CSMD2: variants seen among roughly 807,000 people sequenced by gnomAD.
CSMD2 encodes the protein CUB and sushi domain-containing protein 2.
CSMD2 carries 130 observed loss-of-function variants against 398.5 expected under a neutral mutation model. The ratio of observed to expected loss-of-function variants is 0.33; its 90% CI spans 0.28 to 0.38. The LOEUF (loss-of-function observed/expected upper bound fraction) is 0.38. Ranked by LOEUF, CSMD2 falls within the 10% of genes least tolerant of loss-of-function variation. The probability of loss-of-function intolerance (pLI) is 1.00; values close to 1 mark genes in which losing one functional copy is unlikely to be tolerated. For missense variants in CSMD2, 3,829 were observed against 4,764.9 expected, an observed-to-expected ratio of 0.80 and a Z score of 5.78; for synonymous variants, 1,828 against 1,908.5, an observed-to-expected ratio of 0.96 and a Z score of 1.10.
At position 33,788,664 on chromosome 1, in the gene CSMD2, T is replaced by G. The variant is rs753583201; in HGVS notation, c.1599A>C (p.Gln533His). 2.5e-6 allele frequency: 4 copies of G among 1,613,858 alleles called. No homozygotes were observed. The African/African-American group carries it at 5.3e-5, about 22-fold the overall frequency. Residue 533 changes from glutamine (Q) to histidine (H), a missense_variant, in exon 12 of 71, where the codon CAA becomes CAC. By Grantham distance (24) the Gln-to-His change is conservative. Transcript: ENST00000373381. Reference sequence around the variant, plus strand: ...CATCAGTCTGGAAGAGGAGCCACATTTGATGATTGGTGCTGACAATGAGAT... The same window carrying G: ...CATCAGTCTGGAAGAGGAGCCACATGTGATGATTGGTGCTGACAATGAGAT... ...VPDLIVSTNH[Q>H]MWLLFQTDGS...
intron 1 of CSMD2, among the ~76,000 whole-genome samples, chr1:34,096,138 A>C (rs1659271263): frequency 6.6e-6 from 1 of 152,078 alleles, no homozygotes; most frequent in Admixed American, 6.6e-5. Flanking sequence ...TCCAGCATAT[A>C]AACAGAGCCA....
chr1:33,550,144 C>T, intron 56 of CSMD2, 33 bp downstream of exon 56: 1 of 1,599,312 alleles, frequency 6.3e-7, no homozygotes, highest in Non-Finnish European at 8.5e-7. Flanking sequence ...AAGCATTCCA[C>T]TGGAGCTCTT....
intron 25 of CSMD2, among the ~76,000 whole-genome samples, chr1:33,670,625 T>A (rs1463800169): frequency 6.6e-6 from 1 of 152,150 alleles, no homozygotes; most frequent in Non-Finnish European, 1.5e-5. Flanking sequence ...CACTGCTGAA[T>A]CTAAATCTGG....
chr1:33,602,639 T>G, intron 42 of CSMD2, 93 bp from the exon 43 acceptor site: 1 of 1,129,018 alleles, frequency 8.9e-7, no homozygotes. Context: ...CTCCCAGAAC[T>G]AATCATCCTG....
At position 33,616,963 on chromosome 1, in the gene CSMD2, T is replaced by C. The variant is rs749490065; in HGVS notation, c.5959A>G (p.Ile1987Val). 3 of 1,614,086 alleles carry C rather than the reference T, an allele frequency of 1.9e-6. No individual in the cohort carries two copies. Among genetic ancestry groups the C allele is most frequent in the South Asian group, 1.1e-5 (1 of 91,070 alleles). ...PGYALQGHAHISCMPGTVRRW... is the reference protein window; with the variant it reads ...PGYALQGHAHVSCMPGTVRRW... ...CGCACTGTTCCGGGCATGCAGGAGA[T>C]GTGGGCGTGGCCCTGGAGGAATCAG... Residue 1987 changes from isoleucine (I) to valine (V), a missense_variant, in exon 39 of 71, where the codon ATC (isoleucine) becomes GTC (valine). By Grantham distance (29) the Ile-to-Val change is conservative. Coordinates refer to ENST00000373381, the MANE Select transcript of CSMD2 (RefSeq NM_001281956.2).
chr1:34,009,079 C>A (rs1647159575), intron 3 of CSMD2, among the ~76,000 whole-genome samples: 1 of 152,068 alleles, frequency 6.6e-6, no homozygotes, highest in Non-Finnish European at 1.5e-5. Context: ...CCACTTGGAG[C>A]CAGCTGCAGA....
chr1:33,713,046 C>A (rs1180810395), intron 21 of CSMD2, among the ~76,000 whole-genome samples: 1 of 152,194 alleles, frequency 6.6e-6, no homozygotes, highest in Non-Finnish European at 1.5e-5. Context: ...TAATTATATG[C>A]CACCTCTTGG....
intron 26 of CSMD2, among the ~76,000 whole-genome samples, chr1:33,661,295 G>A (rs781774842): frequency 4.9e-4 from 75 of 152,084 alleles, no homozygotes; most frequent in Non-Finnish European, 8.8e-4. Flanking sequence ...AGAGTGGATC[G>A]AGCCGTCTCT....
At chr1:34,088,163 A>C (rs1369081885) in intron 2 of CSMD2, among the ~76,000 whole-genome samples, 2 of 152,254 alleles carry the variant, frequency 1.3e-5, no homozygotes, top group Non-Finnish European at 2.9e-5. Flanking sequence ...ACCACTCATT[A>C]GTGCATCATG....
Position 34,163,454 on chromosome 1 carries a change from G to T in CSMD2, c.187+1457C>A, listed in dbSNP as rs1029797282. On this transcript the variant is annotated intron_variant, in intron 1 of 70. Coordinates refer to ENST00000373381, the MANE Select transcript of CSMD2 (RefSeq NM_001281956.2). The surrounding 1 kb of genome is among the most constrained non-coding windows in gnomAD (Gnocchi z 5.4). ...GGCTCGGGGCGCCCTCCCTGACCAAGAACCCCAACATGCCGCGGTTAAGCG... is the reference window on the plus strand; with the variant it reads ...GGCTCGGGGCGCCCTCCCTGACCAATAACCCCAACATGCCGCGGTTAAGCG... Among the ~76,000 whole-genome samples the T allele has an allele frequency of 6.6e-6, 1 of 152,138 alleles. No individual in the cohort carries two copies. Among genetic ancestry groups the T allele is most frequent in the African/African-American group, 2.4e-5 (1 of 41,442 alleles).
chr1:33,517,389 C>T (rs1653860866), intron 70 of CSMD2, among the ~76,000 whole-genome samples: 1 of 152,192 alleles, frequency 6.6e-6, no homozygotes, highest in Non-Finnish European at 1.5e-5. Context: ...CACACCAGCA[C>T]CTGGAACCCA....
At chr1:33,975,438 C>T (rs1351412407) in intron 3 of CSMD2, among the ~76,000 whole-genome samples, 1 of 150,982 alleles carries the variant, frequency 6.6e-6, no homozygotes, top group Non-Finnish European at 1.5e-5. Context: ...GAATAGATCC[C>T]TTTTAGAAGA....
intron 2 of CSMD2, among the ~76,000 whole-genome samples, chr1:34,070,704 C>T (rs1316570262): frequency 1.3e-5 from 2 of 152,010 alleles, no homozygotes; most frequent in African/African-American, 2.4e-5. Flanking sequence ...CACCCCCACC[C>T]TTGCAGACCA....
chr1:33,929,049 T>C (rs980065166), intron 4 of CSMD2, among the ~76,000 whole-genome samples: 1 of 152,190 alleles, frequency 6.6e-6, no homozygotes, highest in African/African-American at 2.4e-5. Context: ...TTAGGGCACA[T>C]GCTTCCTGCC....
intron 21 of CSMD2, 144 bp downstream of exon 21, chr1:33,714,443 G>T: frequency 1.1e-6 from 1 of 944,774 alleles, no homozygotes; most frequent in Non-Finnish European, 1.6e-6. Context: ...TAGGTTACCT[G>T]CCCCGGGTCC....
chr1:33,519,992 G>A lies in CSMD2; in HGVS notation c.10598-42C>T. 1 of 1,609,646 alleles carries A rather than the reference G, an allele frequency of 6.2e-7. No individual in the cohort carries two copies. Among genetic ancestry groups the A allele is most frequent in the Non-Finnish European group, 8.5e-7 (1 of 1,176,578 alleles). On this transcript the variant is annotated intron_variant, in intron 68 of 70. Coordinates refer to ENST00000373381, the MANE Select transcript of CSMD2 (RefSeq NM_001281956.2). This position sits in a 1 kb window ranked among gnomAD's most constrained non-coding sequence, Gnocchi z 5.6. ...CAGAAAAGTCAAGTCACGAGACACA[G>A]TCTGAGGCTCCGTTGGCTACCCTCC...
intron 60 of CSMD2, among the ~76,000 whole-genome samples, chr1:33,539,523 C>A (rs999052409): frequency 6.6e-6 from 1 of 152,134 alleles, no homozygotes; most frequent in Non-Finnish European, 1.5e-5. Flanking sequence ...TGAGCCAATA[C>A]CAGTTCTAGA....
intron 31 of CSMD2, among the ~76,000 whole-genome samples, chr1:33,634,081 G>A (rs1475707527): frequency 3.3e-5 from 5 of 152,226 alleles, no homozygotes; most frequent in Admixed American, 3.3e-4. Flanking sequence ...GATCAGATTG[G>A]ACAGCCTTTC....
chr1:33,818,504 A>C (rs764123254), intron 9 of CSMD2, among the ~76,000 whole-genome samples: 3 of 152,214 alleles, frequency 2.0e-5, no homozygotes, highest in African/African-American at 4.8e-5. Context: ...GATACATACT[A>C]TTAGCAACAT....
Sources: allele counts gnomAD v4.1 joint callset (sites outside exome capture counted in the v4.1 genomes callset), GRCh38; gene constraint gnomAD v4.1.1; non-coding constraint Gnocchi (gnomAD v3.1); transcripts MANE v1.5; gene names NCBI Gene and HGNC (gene_info 2026-07-23, HGNC 2026-07-21).